Variants in MDFIC observed in about 807,000 individuals in gnomAD.
The protein encoded by MDFIC is myoD family inhibitor domain-containing protein.
Under a neutral mutation model 23.2 loss-of-function variants are expected in MDFIC, and 17 were observed. The ratio of observed to expected loss-of-function variants is 0.73; its 90% CI spans 0.50 to 1.10. MDFIC has a LOEUF of 1.10. Among genes scored for constraint, MDFIC ranks in the 50% least tolerant of loss-of-function variants. MDFIC has a pLI of 0.00. For missense variants in MDFIC, 356 were observed against 316.6 expected (o/e 1.12, Z -0.95); for synonymous variants, 120 against 115.2 (o/e 1.04, Z -0.27).
chr7:115,006,114 T>C (rs56116953), intron 4 of MDFIC, among the ~76,000 whole-genome samples: 5,324 of 152,264 alleles, frequency 0.035, 287 homozygotes, highest in African/African-American at 0.12. Context: ...GTGTGAGGTC[T>C]GCACCTCCTG....
chr7:114,964,838 C>T (rs1443921322), intron 3 of MDFIC, among the ~76,000 whole-genome samples: 1 of 152,184 alleles, frequency 6.6e-6, no homozygotes, highest in Non-Finnish European at 1.5e-5. Context: ...CGTTAGCCAC[C>T]ATGCCGGGCC....
At chr7:114,964,660 C>T (rs1278897754) in intron 3 of MDFIC, among the ~76,000 whole-genome samples, 3 of 152,150 alleles carry the variant, frequency 2.0e-5, no homozygotes, top group Admixed American at 6.5e-5. Flanking sequence ...AAGCGATTCT[C>T]GTGCCTCAGC....
chr7:114,923,205 G>A (rs1257889018), intron 2 of MDFIC, 78 bp downstream of exon 2: 1 of 1,500,446 alleles, frequency 6.7e-7, no homozygotes, highest in Admixed American at 2.0e-5. Flanking sequence ...CACAGATAGG[G>A]GTGGGGGGAG....
chr7:114,925,866 G>A (rs1006395194), intron 2 of MDFIC, among the ~76,000 whole-genome samples: 1 of 152,190 alleles, frequency 6.6e-6, no homozygotes, highest in Non-Finnish European at 1.5e-5. Flanking sequence ...TGGCCTCTGA[G>A]CAGCTAATTT....
At position 115,019,010 on chromosome 7, in the gene MDFIC, T is replaced by G. The variant is rs947380872; in HGVS notation, c.*3075T>G. ...AATCTATAATATGTCAAAATACAAGTTTTTTTTTTTTACATCGTTTTAGTA... is the reference window on the plus strand; with the variant it reads ...AATCTATAATATGTCAAAATACAAGGTTTTTTTTTTTACATCGTTTTAGTA... On this transcript the variant is annotated 3_prime_UTR_variant, in exon 5 of 5. Coordinates refer to ENST00000393486, the MANE Select transcript of MDFIC (RefSeq NM_001166345.3). 1.8e-5 allele frequency: 2 copies of G among 109,838 alleles called. No individual in the cohort carries two copies. The highest frequency in any genetic ancestry group is 2.6e-4 in the Admixed American group (2 of 7,744). 6.8% of individuals were successfully genotyped at this position (109,838 alleles called of 1,614,324 possible). A position where few individuals can be genotyped will look rare whatever the true frequency, so the allele number is the denominator to read the frequency against.
chr7:114,972,345 G>A (rs944030299), intron 3 of MDFIC, among the ~76,000 whole-genome samples: 3 of 152,030 alleles, frequency 2.0e-5, no homozygotes, highest in Non-Finnish European at 2.9e-5. Context: ...CCAGATTGCC[G>A]GGGACCGACC....
At chr7:114,983,591 C>T (rs1440487219) in intron 4 of MDFIC, among the ~76,000 whole-genome samples, 6 of 91,882 alleles carry the variant, frequency 6.5e-5, no homozygotes, top group Non-Finnish European at 1.0e-4. Flanking sequence ...TTTTTGAGGT[C>T]GTGTCTCACT....
chr7:114,990,755 G>A lies in MDFIC; in HGVS notation c.493+10974G>A, dbSNP rs181782181. On this transcript the variant is annotated intron_variant, in intron 4 of 4. Coordinates refer to ENST00000393486, the MANE Select transcript of MDFIC (RefSeq NM_001166345.3). ...TCTTAATCTAGTCTGTCACTGATGG[G>A]CATTTGGGTTGGTTCCAAGTCTTTG... 2.6e-3 allele frequency among the ~76,000 whole-genome samples: 402 copies of A among 152,198 alleles called. 1 individual carries two copies. Among genetic ancestry groups the A allele is most frequent in the African/African-American group, 8.5e-3 (353 of 41,526 alleles).
rs1379200686 is a variant in MDFIC at position 114,928,297 on chromosome 7, T to A, written c.94+5170T>A. Among the ~76,000 whole-genome samples the A allele has an allele frequency of 2.0e-5, 3 of 151,820 alleles. No homozygotes were observed. The East Asian group carries it at 5.8e-4, about 29-fold the overall frequency. The stretch of plus-strand genomic sequence containing the variant: ...AAGCATTTGGAGAGGTTGAACTGTT[T>A]AAGAACTGTGAAAAAAAAAAGGTCT... On this transcript the variant is annotated intron_variant, in intron 2 of 4. Transcript: ENST00000393486.
chr7:114,983,029 T>C (rs1793444810), intron 4 of MDFIC, among the ~76,000 whole-genome samples: 1 of 152,210 alleles, frequency 6.6e-6, no homozygotes, highest in African/African-American at 2.4e-5. Flanking sequence ...ATCATCACAT[T>C]GTCCATGACA....
rs1791821152 is a variant in MDFIC at position 115,017,709 on chromosome 7, C to T, written c.*1774C>T. 1 of 152,422 alleles carries T rather than the reference C, an allele frequency of 6.6e-6. No individual in the cohort carries two copies. Among genetic ancestry groups the T allele is most frequent in the Non-Finnish European group, 1.5e-5 (1 of 67,914 alleles). 9.4% of individuals were successfully genotyped at this position (152,422 alleles called of 1,614,324 possible). On this transcript the variant is annotated 3_prime_UTR_variant, in exon 5 of 5. Coordinates refer to ENST00000393486, the MANE Select transcript of MDFIC (RefSeq NM_001166345.3). ...AGAGTAAATTTTCATACCATGCTCT[C>T]TCCTACTCAGTTTGATCTCTCTAAA...
intron 2 of MDFIC, among the ~76,000 whole-genome samples, chr7:114,937,919 T>C (rs915091423): frequency 3.9e-5 from 6 of 152,224 alleles, no homozygotes; most frequent in Non-Finnish European, 8.8e-5. Context: ...TATCCCATTA[T>C]TAGTAGAATT....
Position 114,942,258 on chromosome 7 carries a change from T to G in MDFIC, c.95-17T>G, listed in dbSNP as rs1792556645. On this transcript the variant is annotated splice_polypyrimidine_tract_variant and intron_variant, in intron 2 of 4. Coordinates refer to ENST00000393486, the MANE Select transcript of MDFIC (RefSeq NM_001166345.3). ...TATATAAAATCAATTATATTAAATGTATCTTTTTTAATTCAGGAAAATGTG... is the reference window on the plus strand; with the variant it reads ...TATATAAAATCAATTATATTAAATGGATCTTTTTTAATTCAGGAAAATGTG... The G allele has an allele frequency of 7.3e-7, 1 of 1,379,090 alleles. No individual in the cohort carries two copies. The highest frequency in any genetic ancestry group is 9.8e-7 in the Non-Finnish European group (1 of 1,016,290). The allele number at this position is 1,379,090 out of a possible 1,614,324, so 85.4% of individuals were successfully genotyped here.
At chr7:114,989,288 G>T (rs1183336310) in intron 4 of MDFIC, among the ~76,000 whole-genome samples, 1 of 152,168 alleles carries the variant, frequency 6.6e-6, no homozygotes, top group Admixed American at 6.5e-5. Context: ...TCTGTTGGTT[G>T]TGACAACATG....
At chr7:114,981,138 G>A (rs1272443522) in intron 4 of MDFIC, among the ~76,000 whole-genome samples, 3 of 152,232 alleles carry the variant, frequency 2.0e-5, no homozygotes, top group East Asian at 1.9e-4. Context: ...GAGGATCTTC[G>A]CTTCTAGGTG....
chr7:114,933,297 C>CA (rs1480147381), intron 2 of MDFIC, among the ~76,000 whole-genome samples: 1 of 137,940 alleles, frequency 7.2e-6, no homozygotes, highest in Non-Finnish European at 1.5e-5. Flanking sequence ...CTCACTCTGT[C>CA]ATGCAGGCTG....
At chr7:114,955,885 C>T (rs1211366074) in intron 3 of MDFIC, among the ~76,000 whole-genome samples, 2 of 152,132 alleles carry the variant, frequency 1.3e-5, no homozygotes, top group Non-Finnish European at 2.9e-5. Flanking sequence ...CTAACCTGGG[C>T]TATCAGCAGC....
intron 4 of MDFIC, among the ~76,000 whole-genome samples, chr7:114,986,931 A>G (rs544747612): frequency 2.0e-5 from 3 of 152,310 alleles, no homozygotes; most frequent in Admixed American, 2.0e-4. Flanking sequence ...CCTGGCTTAT[A>G]CAAGTTCAGA....
At chr7:114,927,019 G>A (rs184559905) in intron 2 of MDFIC, among the ~76,000 whole-genome samples, 7 of 152,164 alleles carry the variant, frequency 4.6e-5, no homozygotes, top group African/African-American at 1.7e-4. Flanking sequence ...CGTAATGGGG[G>A]TGCTACTAGC....
Sources: gnomAD v4.1 joint callset for allele counts (sites outside exome capture counted in the v4.1 genomes callset) on GRCh38, gnomAD v4.1.1 for gene constraint, MANE v1.5 for transcripts, NCBI Gene and HGNC (gene_info 2026-07-23, HGNC 2026-07-21) for gene names.